CLEC12A: variants seen among roughly 807,000 people sequenced by gnomAD.
The protein encoded by CLEC12A is C-type lectin domain family 12 member A.
CLEC12A carries 22 observed loss-of-function variants against 26.5 expected under a neutral mutation model. That is an observed-to-expected ratio of 0.83 (90% CI 0.59 to 1.19). The LOEUF (loss-of-function observed/expected upper bound fraction) is 1.19. Among genes scored for constraint, CLEC12A ranks in the 50% most tolerant of loss-of-function variants. The pLI, the probability that CLEC12A is intolerant of heterozygous loss-of-function variation, is 0.00. For synonymous variants in CLEC12A, 119 were observed against 101.9 expected (o/e 1.17, Z -1.01); for missense variants, 353 against 315.6 (o/e 1.12, Z -0.90).
downstream of CLEC12A, chr12:9,996,997 C>A (rs1401806053): frequency 1.2e-6 from 2 of 1,613,672 alleles, no homozygotes; most frequent in Admixed American, 1.7e-5. Flanking sequence ...GCATTTATGA[C>A]CTTCTGGAGA....
chr12:9,983,537 C>G, intron 5 of CLEC12A: 1 of 694,856 alleles, frequency 1.4e-6, no homozygotes, highest in Non-Finnish European at 2.6e-6. Context: ...CAGAAAATAT[C>G]AAACGAAGAA....
chr12:10,002,543 C>T, the CLEC12A span, among the ~76,000 whole-genome samples: 268 of 87,282 alleles, frequency 3.1e-3, 1 homozygote, highest in African/African-American at 0.011. Flanking sequence ...CCCGGGTTCA[C>T]CCCATTCTCC....
At chr12:9,987,895 G>A (rs563639340), downstream of CLEC12A, among the ~76,000 whole-genome samples, 4 of 151,758 alleles carry the variant, frequency 2.6e-5, no homozygotes, top group Non-Finnish European at 2.9e-5. Context: ...TGCAACCTCC[G>A]CCTCCTTGGT....
chr12:9,986,424 C>CT (rs1392653694), downstream of CLEC12A, among the ~76,000 whole-genome samples: 1 of 136,074 alleles, frequency 7.3e-6, no homozygotes, highest in African/African-American at 2.5e-5. Context: ...TCCCCCCCCC[C>CT]CTTTTTTTCT....
chr12:9,989,573 G>A (rs1864848945), downstream of CLEC12A, among the ~76,000 whole-genome samples: 1 of 152,160 alleles, frequency 6.6e-6, no homozygotes, highest in Non-Finnish European at 1.5e-5. Context: ...AGAAGCTACA[G>A]AAGAAATGTT....
downstream of CLEC12A, among the ~76,000 whole-genome samples, chr12:9,990,177 C>CA (rs769570758): frequency 5.3e-5 from 8 of 152,260 alleles, no homozygotes; most frequent in Admixed American, 2.6e-4. Flanking sequence ...ACCAACAAAT[C>CA]AAGGAGTAAT....
At chr12:9,968,438 G>T (rs369593795), upstream of CLEC12A, among the ~76,000 whole-genome samples, 1 of 152,128 alleles carries the variant, frequency 6.6e-6, no homozygotes. Flanking sequence ...TACATCAAAG[G>T]GGGGTTGTTC....
At chr12:9,961,217 T>G (rs559175602) in intron 1 of CLEC12A, among the ~76,000 whole-genome samples, 4 of 152,270 alleles carry the variant, frequency 2.6e-5, no homozygotes, top group Admixed American at 2.6e-4. Context: ...ACAGCAGACT[T>G]GAGAGAGACT....
intron 1 of CLEC12A, among the ~76,000 whole-genome samples, chr12:9,960,163 G>A (rs1863806674): frequency 6.6e-6 from 1 of 152,144 alleles, no homozygotes; most frequent in Non-Finnish European, 1.5e-5. Context: ...AGTAAAACTA[G>A]TCACTGTGGG....
Position 9,979,015 on chromosome 12 carries a change from T to A in CLEC12A, c.141T>A (p.Thr47=). The stretch of plus-strand genomic sequence containing the variant: ...GGCGTCCAGCAGCCTTGTTTCTGAC[T>A]CTTCTGTGCCTTCTGTTGCTCATTG... ...HVWRPAALFL[T]LLCLLLLIGL... is the part of the protein sequence containing the mutation. Residue 47 remains threonine, a synonymous_variant, in exon 2 of 6, where the codon ACT becomes ACA. Coordinates refer to ENST00000304361, the MANE Select transcript of CLEC12A (RefSeq NM_138337.6). 1 of 1,613,970 alleles carries A rather than the reference T, an allele frequency of 6.2e-7. No homozygotes were observed. The highest frequency in any genetic ancestry group is 8.5e-7 in the Non-Finnish European group (1 of 1,179,862).
chr12:9,952,580 C>T (rs1306324637), intron 1 of CLEC12A: 10 of 168,430 alleles, frequency 5.9e-5, no homozygotes, highest in Non-Finnish European at 8.5e-5. Context: ...AGATTGCAGC[C>T]TCTGCCCGGC....
At chr12:10,004,095 G>C in the CLEC12A span, among the ~76,000 whole-genome samples, 2 of 152,316 alleles carry the variant, frequency 1.3e-5, no homozygotes, top group Admixed American at 6.5e-5. Flanking sequence ...GTGGGAGGGA[G>C]AGCATGCAGA....
chr12:10,000,824 G>C, the CLEC12A span, among the ~76,000 whole-genome samples: 2 of 152,308 alleles, frequency 1.3e-5, no homozygotes, highest in East Asian at 1.9e-4. Context: ...AGCAAGTCCT[G>C]AGGCTATTCT....
chr12:9,987,506 C>T (rs1864794354), downstream of CLEC12A, among the ~76,000 whole-genome samples: 1 of 152,170 alleles, frequency 6.6e-6, no homozygotes, highest in Admixed American at 6.5e-5. Context: ...TAGCTTCTAC[C>T]CAATACTTTG....
chr12:9,999,451 T>C (rs1366999123), downstream of CLEC12A, among the ~76,000 whole-genome samples: 4 of 152,248 alleles, frequency 2.6e-5, no homozygotes, highest in Non-Finnish European at 4.4e-5. Flanking sequence ...TGCTTTATCT[T>C]AGCCCTAGCT....
intron 1 of CLEC12A, among the ~76,000 whole-genome samples, chr12:9,965,079 G>A (rs1332996018): frequency 6.6e-6 from 1 of 152,166 alleles, no homozygotes; most frequent in Non-Finnish European, 1.5e-5. Flanking sequence ...TGGAAATTAT[G>A]AGAACCGTAG....
At chr12:10,003,591 A>T in the CLEC12A span, among the ~76,000 whole-genome samples, 1 of 152,216 alleles carries the variant, frequency 6.6e-6, no homozygotes, top group Non-Finnish European at 1.5e-5. Flanking sequence ...AAAGGTCAGG[A>T]AGTTCGAATA....
At chr12:9,992,326 GC>G (rs1373701686) in intron 4 of CLEC12A, 6 of 152,170 alleles carry the variant, frequency 3.9e-5, no homozygotes, top group African/African-American at 1.4e-4. Context: ...TCCTTCTCTA[GC>G]GCAGAAAATT....
rs528507858 is a variant in CLEC12A at position 9,982,177 on chromosome 12, G to A, written c.641+48G>A. 4.9e-6 allele frequency: 5 copies of A among 1,018,696 alleles called. No homozygotes were observed. The Admixed American group carries it at 7.1e-5, about 14-fold the overall frequency. 63.1% of individuals were successfully genotyped at this position (1,018,696 alleles called of 1,614,324 possible). A position where few individuals can be genotyped will look rare whatever the true frequency, so the allele number is the denominator to read the frequency against. On this transcript the variant is annotated intron_variant, in intron 5 of 5. Coordinates refer to ENST00000304361, the MANE Select transcript of CLEC12A (RefSeq NM_138337.6). ...ATTTTATAGCTGGGTTTGAGTAGAGGTATTTTCCTTAGGAGCACTGTAGAT... is the reference window on the plus strand; with the variant it reads ...ATTTTATAGCTGGGTTTGAGTAGAGATATTTTCCTTAGGAGCACTGTAGAT...
Sources: gnomAD v4.1 joint callset for allele counts (sites outside exome capture counted in the v4.1 genomes callset) on GRCh38, gnomAD v4.1.1 for gene constraint, MANE v1.5 for transcripts, NCBI Gene and HGNC (gene_info 2026-07-23, HGNC 2026-07-21) for gene names.